TBCK: variants seen among roughly 807,000 people sequenced by gnomAD.
TBCK encodes TBC domain-containing protein kinase-like protein.
In TBCK, 99 loss-of-function variants were observed where a neutral mutation model predicts 113.4. The observed-to-expected ratio is 0.87, with a 90% CI of 0.74 to 1.03. TBCK has a LOEUF of 1.03. TBCK is among the 50% of genes least tolerant of loss of function. The pLI is 0.00. For missense variants in TBCK, 1,045 were observed against 1,061.3 expected, an observed-to-expected ratio of 0.98 and a Z score of 0.21; for synonymous variants, 369 against 370.8, an observed-to-expected ratio of 1.00 and a Z score of 0.05.
At chr4:106,163,395 T>C in intron 23 of TBCK, 1 of 152,460 alleles carries the variant, frequency 6.6e-6, no homozygotes, top group Non-Finnish European at 1.5e-5. Flanking sequence ...TGTTCCAACC[T>C]CAGCCTGTTA....
chr4:106,142,462 T>G (rs1335268474), intron 23 of TBCK, among the ~76,000 whole-genome samples: 1 of 152,240 alleles, frequency 6.6e-6, no homozygotes, highest in Non-Finnish European at 1.5e-5. Context: ...TATGTAATTT[T>G]TGAATCTCAT....
chr4:106,228,843 T>TAAC (rs1035362543), intron 19 of TBCK, among the ~76,000 whole-genome samples: 2 of 152,090 alleles, frequency 1.3e-5, no homozygotes, highest in Non-Finnish European at 2.9e-5. Flanking sequence ...GTGGTTATAC[T>TAAC]AACTTACATT....
At chr4:106,231,547 G>A (rs937325140) in intron 18 of TBCK, among the ~76,000 whole-genome samples, 182 bp downstream of exon 18, 1 of 151,720 alleles carries the variant, frequency 6.6e-6, no homozygotes, top group African/African-American at 2.4e-5. Context: ...TAGCATAACT[G>A]AAACTCTCCA....
chr4:106,313,711 G>A (rs531797428), intron 1 of TBCK, among the ~76,000 whole-genome samples: 8 of 152,304 alleles, frequency 5.3e-5, no homozygotes, highest in African/African-American at 1.9e-4. Context: ...TGGGCTTTAA[G>A]GGGAAAATCT....
chr4:106,203,421 T>C (rs1755100543), intron 20 of TBCK, among the ~76,000 whole-genome samples: 1 of 151,732 alleles, frequency 6.6e-6, no homozygotes, highest in South Asian at 2.1e-4. Context: ...ATTCACAAAA[T>C]GACTTAAACA....
At chr4:106,126,990 A>C (rs1020925394) in intron 23 of TBCK, among the ~76,000 whole-genome samples, 1 of 151,992 alleles carries the variant, frequency 6.6e-6, no homozygotes, top group African/African-American at 2.4e-5. Context: ...CGGGCAGATC[A>C]CAAGGTGAGG....
intron 20 of TBCK, among the ~76,000 whole-genome samples, chr4:106,199,327 T>C (rs1044447859): frequency 6.6e-6 from 1 of 152,174 alleles, no homozygotes; most frequent in African/African-American, 2.4e-5. Flanking sequence ...CAAAACACCA[T>C]ACTCACCTAG....
chr4:106,104,435 C>G (rs1159019588), intron 24 of TBCK, among the ~76,000 whole-genome samples: 2 of 152,256 alleles, frequency 1.3e-5, no homozygotes, highest in Admixed American at 6.5e-5. Flanking sequence ...AGGAATCCCA[C>G]AGCACAGCAT....
chr4:106,046,647 T>C lies in TBCK; in HGVS notation c.2605A>G (p.Arg869Gly). The C allele has an allele frequency of 6.2e-7, 1 of 1,612,636 alleles. No individual in the cohort carries two copies. ...AAHLVKMKYP[R>G]ICILDGGINK... ...ATGCCACCATCTAGAATACAGATTC[T>C]TGGATATTTCATCTTCACAAGGTGA... Residue 869 changes from arginine to glycine, a missense_variant, in exon 26 of 26, where the codon AGA (arginine) becomes GGA (glycine). By Grantham distance (125) the Arg-to-Gly change is moderately radical (BLOSUM62 -2). Coordinates refer to ENST00000394708, the MANE Select transcript of TBCK (RefSeq NM_001163435.3).
intron 4 of TBCK, 97 bp downstream of exon 4, chr4:106,262,001 T>C (rs975282967): frequency 1.3e-5 from 7 of 545,458 alleles, no homozygotes; most frequent in Non-Finnish European, 2.1e-5. Context: ...TTAAAACATA[T>C]TCTGATTCTA....
At chr4:106,152,200 C>T (rs1338885404) in intron 23 of TBCK, among the ~76,000 whole-genome samples, 2 of 151,880 alleles carry the variant, frequency 1.3e-5, no homozygotes, top group Non-Finnish European at 2.9e-5. Flanking sequence ...CCCCATTCAA[C>T]ATCATGCTCA....
chr4:106,239,669 G>T (rs1175846844), intron 12 of TBCK, among the ~76,000 whole-genome samples: 1 of 151,912 alleles, frequency 6.6e-6, no homozygotes, highest in Non-Finnish European at 1.5e-5. Context: ...TATAACTTTA[G>T]AAAATGATTT....
intron 2 of TBCK, among the ~76,000 whole-genome samples, chr4:106,300,100 G>C (rs1470801329): frequency 1.3e-5 from 2 of 152,176 alleles, no homozygotes; most frequent in African/African-American, 4.8e-5. Flanking sequence ...GGTTCTATAA[G>C]GGGGAGTTTC....
chr4:106,159,368 T>C (rs149735368), intron 23 of TBCK, among the ~76,000 whole-genome samples: 35 of 152,232 alleles, frequency 2.3e-4, no homozygotes, highest in African/African-American at 7.0e-4. Flanking sequence ...GATGTGATCT[T>C]ATATCTAAAA....
At chr4:106,089,600 ATGAGCCTG>A (rs1196379161) in intron 25 of TBCK, among the ~76,000 whole-genome samples, 1 of 152,198 alleles carries the variant, frequency 6.6e-6, no homozygotes, top group African/African-American at 2.4e-5. Flanking sequence ...CATTGATCCT[ATGAGCCTG>A]TGAGATCAAA....
intron 19 of TBCK, among the ~76,000 whole-genome samples, chr4:106,225,781 T>C (rs1758175901): frequency 1.3e-5 from 2 of 152,028 alleles, no homozygotes; most frequent in Non-Finnish European, 2.9e-5. Flanking sequence ...GACAAGTCTC[T>C]CCAAATTCAT....
chr4:106,115,107 G>C (rs1034170584), intron 24 of TBCK, among the ~76,000 whole-genome samples: 3 of 152,186 alleles, frequency 2.0e-5, no homozygotes, highest in African/African-American at 7.2e-5. Flanking sequence ...AATAAAGTCT[G>C]TAAATGTGTA....
chr4:106,230,352 C>T lies in TBCK; in HGVS notation c.1774+11G>A, dbSNP rs1340280565. 1.3e-6 allele frequency: 2 copies of T among 1,533,616 alleles called. No homozygotes were observed. The highest frequency in any genetic ancestry group is 2.7e-5 in the African/African-American group (2 of 72,954). On this transcript the variant is annotated intron_variant, in intron 19 of 25. Transcript: ENST00000394708. ...TTTCTCTGTAGAAAGACATGGAAGACATTTGCTTACCTTGTATTACATGTG... is the reference window on the plus strand; with the variant it reads ...TTTCTCTGTAGAAAGACATGGAAGATATTTGCTTACCTTGTATTACATGTG...
intron 25 of TBCK, among the ~76,000 whole-genome samples, chr4:106,061,691 T>C (rs1736074641): frequency 6.6e-6 from 1 of 151,560 alleles, no homozygotes; most frequent in African/African-American, 2.4e-5. Context: ...TGTGTGTATA[T>C]GCCCGATTCA....
Sources: allele counts gnomAD v4.1 joint callset (sites outside exome capture counted in the v4.1 genomes callset), GRCh38; gene constraint gnomAD v4.1.1; transcripts MANE v1.5; gene names NCBI Gene and HGNC (gene_info 2026-07-23, HGNC 2026-07-21).